ACTN3: variants seen among roughly 807,000 people sequenced by gnomAD.
The protein encoded by ACTN3 is alpha-actinin-3.
In ACTN3, 91 loss-of-function variants were observed where a neutral mutation model predicts 119.6. The ratio of observed to expected loss-of-function variants is 0.76; its 90% CI spans 0.64 to 0.91. ACTN3 has a LOEUF of 0.91. Among genes scored for constraint, ACTN3 ranks in the 40% least tolerant of loss-of-function variants. The pLI, the probability that ACTN3 is intolerant of heterozygous loss-of-function variation, is 0.00. For synonymous variants in ACTN3, 456 were observed against 478.8 expected (o/e 0.95, Z 0.62); for missense variants, 1,221 against 1,215.1 (o/e 1.00, Z -0.07).
In ACTN3 at chr11:66,557,971, A is replaced by G. The variant is rs749062976; in HGVS notation, c.1128+42A>G. 4.3e-6 allele frequency: 7 copies of G among 1,613,236 alleles called. No individual in the cohort carries two copies. The South Asian group carries it at 7.7e-5, about 18-fold the overall frequency. ...TTCCCTAGGTGACCTTGAGGTCCGT[A>G]TCCCATCTGTACAATGGGCAAACCG... On this transcript the variant is annotated intron_variant, in intron 10 of 20. Transcript: ENST00000513398.
rs149550207 is a variant in ACTN3, at chr11:66,560,485, G to A, written c.1678-88G>A. ...CTTGTGTCAGGACTGCCCAGGACTG[G>A]TGGGTGGCCTGGGGCACACTGCTGC... On this transcript the variant is annotated intron_variant, in intron 14 of 20. Transcript: ENST00000513398. 4.5e-5 allele frequency: 67 copies of A among 1,500,548 alleles called. No homozygotes were observed. The African/African-American group carries it at 8.7e-4, about 19-fold the overall frequency. The allele number at this position is 1,500,548 out of a possible 1,614,324, so 93.0% of individuals were successfully genotyped here.
chr11:66,554,209 G>T, intron 4 of ACTN3, 78 bp downstream of exon 4: 1 of 1,273,584 alleles, frequency 7.9e-7, no homozygotes. Context: ...AGGTCGAGGC[G>T]GGCAGACCAC....
chr11:66,554,657 T>C (rs754226934), intron 5 of ACTN3, 34 bp downstream of exon 5: 1 of 1,573,230 alleles, frequency 6.4e-7, no homozygotes, highest in Admixed American at 1.8e-5. Flanking sequence ...TGTCTGGGCC[T>C]CTGTGGGGTA....
chr11:66,551,016 C>A (rs2134918585), intron 1 of ACTN3: 4 of 657,118 alleles, frequency 6.1e-6, no homozygotes, highest in South Asian at 4.5e-5. Flanking sequence ...TGAACTGGGA[C>A]CTGCATGGGT....
intron 18 of ACTN3, 23 bp downstream of exon 18, chr11:66,562,191 G>C: frequency 6.2e-7 from 1 of 1,613,894 alleles, no homozygotes; most frequent in Non-Finnish European, 8.5e-7. Context: ...CTGGCCCTGT[G>C]GGGTAAGACA....
chr11:66,556,382 G>A lies in ACTN3; in HGVS notation c.804+152G>A, dbSNP rs1857590752. 1.3e-5 allele frequency: 3 copies of A among 227,196 alleles called. No homozygotes were observed. The South Asian group carries it at 4.7e-4, about 36-fold the overall frequency. The allele number at this position is 227,196 out of a possible 1,614,324, so 14.1% of individuals were successfully genotyped here. A position where few individuals can be genotyped will look rare whatever the true frequency, so the allele number is the denominator to read the frequency against. ...TCTTCAGCAGGAGCAGAGGACCCTG[G>A]TTTGGAAACTCACTCCCTACCTAAG... On this transcript the variant is annotated intron_variant, in intron 8 of 20. Coordinates refer to ENST00000513398, the MANE Select transcript of ACTN3 (RefSeq NM_001104.4).
At chr11:66,551,059 G>A (rs1381128651) in intron 1 of ACTN3, 180 bp from the exon 2 acceptor site, 15 of 695,518 alleles carry the variant, frequency 2.2e-5, no homozygotes, top group East Asian at 5.5e-5. Context: ...TCAGGAAAAC[G>A]AAAGCTCAGA....
At chr11:66,547,319 G>A (rs1301000523) in intron 1 of ACTN3, among the ~76,000 whole-genome samples, 2 of 152,140 alleles carry the variant, frequency 1.3e-5, no homozygotes, top group South Asian at 2.1e-4. Context: ...CCCCCACCAG[G>A]GTTCATTCCC....
At chr11:66,551,118 G>T in intron 1 of ACTN3, 121 bp from the exon 2 acceptor site, 1 of 770,506 alleles carries the variant, frequency 1.3e-6, no homozygotes, top group South Asian at 1.5e-5. Context: ...TGGCTGAGCT[G>T]AGCTGAGACT....
rs1293390581 is a variant in ACTN3 at position 66,562,827 on chromosome 11, T to C, written c.2420T>C (p.Met807Thr). The C allele has an allele frequency of 1.7e-5, 28 of 1,613,244 alleles. 1 individual carries two copies. The South Asian group carries it at 3.0e-4, about 17-fold the overall frequency. The change falls in exon 20 of 21, where the codon ATG (methionine) becomes ACG (threonine). Residue 807 changes from methionine (M) to threonine (T), a missense_variant. This residue lies in a region of ACTN3 where 934 missense variants were observed against 899.9 expected (regional missense o/e 1.04). Coordinates refer to ENST00000513398, the MANE Select transcript of ACTN3 (RefSeq NM_001104.4). Reference protein sequence around the residue: ...GEVEFARIMTMVDPNAAGVVT... With the variant: ...GEVEFARIMTTVDPNAAGVVT... ...GTGGAGTTTGCTCGCATCATGACCATGGTGGACCCCAACGCAGCTGGGGTG... is the reference window on the plus strand; with the variant it reads ...GTGGAGTTTGCTCGCATCATGACCACGGTGGACCCCAACGCAGCTGGGGTG...
Position 66,561,988 on chromosome 11 carries a change from G to A in ACTN3, c.2176-34G>A, listed in dbSNP as rs754583235. On this transcript the variant is annotated intron_variant, in intron 17 of 20. Transcript: ENST00000513398. ...TAGAGCCAGTGGCCAGGCACTGGCC[G>A]CCCACTGACAGTGGCCTGTCCCCTG... The A allele has an allele frequency of 1.3e-4, 208 of 1,576,688 alleles. 1 individual carries two copies. Among genetic ancestry groups the A allele is most frequent in the East Asian group, 5.2e-4 (22 of 42,432 alleles).
At chr11:66,547,159 A>G (rs1314352978) in intron 1 of ACTN3, 75 bp downstream of exon 1, 33 of 1,420,990 alleles carry the variant, frequency 2.3e-5, no homozygotes, top group Non-Finnish European at 3.0e-5. Context: ...GCATCTCAGC[A>G]GTGCAGGGGC....
Position 66,561,514 on chromosome 11 carries a change from G to A in ACTN3, c.2052G>A (p.Gly684=). Residue 684 remains glycine (G), a synonymous_variant, in exon 17 of 21, where the codon GGG becomes GGA. Transcript: ENST00000513398. The part of the protein sequence containing the change: ...LAGSLEEQMA[G]LRQQEQNIIN... ...GCTCTCTGGAGGAGCAGATGGCTGG[G>A]CTACGGCAGCAGGAGCAGAACATTA... 2 of 1,606,582 alleles carry A rather than the reference G, an allele frequency of 1.2e-6. No homozygotes were observed. Among genetic ancestry groups the A allele is most frequent in the Non-Finnish European group, 1.7e-6 (2 of 1,176,636 alleles).
chr11:66,562,918 A>C lies in ACTN3; in HGVS notation c.2511A>C (p.Gln837His), dbSNP rs1857822241. 1 of 1,613,722 alleles carries C rather than the reference A, an allele frequency of 6.2e-7. No individual in the cohort carries two copies. Among genetic ancestry groups the C allele is most frequent in the Non-Finnish European group, 8.5e-7 (1 of 1,179,756 alleles). ...CAGCCGAGACTGACACGACTGAGCA[A>C]GTTGTAGCTTCCTTCAAGATCTTGG... ...RETAETDTTE[Q>H]VVASFKILAG... The change falls in exon 20 of 21, where the codon CAA becomes CAC. Residue 837 changes from glutamine (Q) to histidine (H), a missense_variant. Physicochemically the swap from Gln to His is conservative, Grantham distance 24. Around this residue, in one of 3 missense-constraint regions of ACTN3, gnomAD observed 934 missense variants for 899.9 expected, o/e 1.04. Coordinates refer to ENST00000513398, the MANE Select transcript of ACTN3 (RefSeq NM_001104.4).
At position 66,561,359 on chromosome 11, in the gene ACTN3, G is replaced by A; in HGVS notation, c.1993G>A (p.Glu665Lys). ...AIGPWIQAKVEEVGRLAAGLA... is the reference protein window; with the variant it reads ...AIGPWIQAKVKEVGRLAAGLA... Reference sequence around the variant, plus strand: ...TGGACCCTGGATCCAGGCGAAGGTGGAGGTAAGGGCTGGGATAGTGGGTCC... The same window carrying A: ...TGGACCCTGGATCCAGGCGAAGGTGAAGGTAAGGGCTGGGATAGTGGGTCC... Residue 665 changes from glutamate to lysine, a missense_variant and splice_region_variant, in exon 16 of 21, where the codon GAG (glutamate) becomes AAG (lysine). This residue lies in a region of ACTN3 where 934 missense variants were observed against 899.9 expected (regional missense o/e 1.04). Transcript: ENST00000513398. 1 of 1,610,340 alleles carries A rather than the reference G, an allele frequency of 6.2e-7. No individual in the cohort carries two copies. Among genetic ancestry groups the A allele is most frequent in the Non-Finnish European group, 8.5e-7 (1 of 1,178,036 alleles).
intron 14 of ACTN3, 93 bp from the exon 15 acceptor site, chr11:66,560,480 G>T: frequency 6.7e-7 from 1 of 1,501,050 alleles, no homozygotes; most frequent in Non-Finnish European, 8.9e-7. Context: ...GACTGCCCAG[G>T]ACTGGTGGGT....
At chr11:66,561,814 C>G in intron 17 of ACTN3, 177 bp downstream of exon 17, 2 of 566,802 alleles carry the variant, frequency 3.5e-6, no homozygotes, top group Non-Finnish European at 4.5e-6. Flanking sequence ...CGTCCAAAAC[C>G]AGGCCAAGAT....
chr11:66,560,587 G>A lies in ACTN3; in HGVS notation c.1692G>A (p.Ala564=), dbSNP rs192180462. The A allele has an allele frequency of 1.2e-3, 1,882 of 1,611,858 alleles. 1 individual carries two copies. The highest frequency in any genetic ancestry group is 1.3e-3 in the Non-Finnish European group (1,519 of 1,179,184). ...GTCGTCCCCAGAGCCTGCTGACAGC[G>A]CACGATCAGTTCAAGGCAACACTGC... ...SVEETQSLLT[A]HDQFKATLPE... The change falls in exon 15 of 21, where the codon GCG becomes GCA. Residue 564 remains alanine (A), a synonymous_variant. Transcript: ENST00000513398.
Position 66,560,162 on chromosome 11 carries a change from C to G in ACTN3, c.1537-9C>G. The G allele has an allele frequency of 6.3e-7, 1 of 1,596,434 alleles. No homozygotes were observed. The highest frequency in any genetic ancestry group is 8.5e-7 in the Non-Finnish European group (1 of 1,171,816). ...CAGGCTTCTGACCCACTACGCCTCC[C>G]ACCTCTAGCGGATGGAGAAGCTCCT... On this transcript the variant is annotated splice_polypyrimidine_tract_variant and intron_variant, in intron 13 of 20. Coordinates refer to ENST00000513398, the MANE Select transcript of ACTN3 (RefSeq NM_001104.4).
Sources: gnomAD v4.1 joint callset for allele counts (sites outside exome capture counted in the v4.1 genomes callset) on GRCh38, gnomAD v4.1.1 for gene constraint, gnomAD v4.1.1 regional missense constraint, MANE v1.5 for transcripts, NCBI Gene and HGNC (gene_info 2026-07-23, HGNC 2026-07-21) for gene names.